Variants in LAMA1 observed in about 807,000 individuals in gnomAD.
The protein encoded by LAMA1 is laminin subunit alpha-1.
In LAMA1, 219 loss-of-function variants were observed where a neutral mutation model predicts 348.7. The ratio of observed to expected loss-of-function variants is 0.63; its 90% CI spans 0.56 to 0.70. The LOEUF (loss-of-function observed/expected upper bound fraction) is 0.70, where lower values mean the gene tolerates loss of function less well. Ranked by LOEUF, LAMA1 falls within the 30% of genes least tolerant of loss-of-function variation. LAMA1 has a pLI of 0.00. For synonymous variants in LAMA1, 1,487 were observed against 1,491.0 expected, an observed-to-expected ratio of 1.00 and a Z score of 0.06; for missense variants, 3,744 against 3,888.0, an observed-to-expected ratio of 0.96 and a Z score of 0.99.
chr18:6,993,617 CA>C, intron 35 of LAMA1, 23 bp downstream of exon 35: 4 of 1,500,658 alleles, frequency 2.7e-6, no homozygotes, highest in Non-Finnish European at 2.8e-6. Flanking sequence ...ACAGATACTT[CA>C]AACTAGACAC....
At chr18:7,048,448 C>T (rs986915155) in intron 5 of LAMA1, among the ~76,000 whole-genome samples, 2 of 152,104 alleles carry the variant, frequency 1.3e-5, no homozygotes, top group Non-Finnish European at 2.9e-5. Flanking sequence ...GTTGAGGTCT[C>T]ACTCTATTGC....
At chr18:7,036,133 A>C in intron 12 of LAMA1, 45 bp from the exon 13 acceptor site, 6 of 1,357,360 alleles carry the variant, frequency 4.4e-6, no homozygotes, top group Admixed American at 3.4e-5. Context: ...GAAGACAATC[A>C]CAGCAACAAT....
At chr18:7,062,773 A>G (rs1301588916) in intron 3 of LAMA1, among the ~76,000 whole-genome samples, 1 of 152,160 alleles carries the variant, frequency 6.6e-6, no homozygotes, top group African/African-American at 2.4e-5. Flanking sequence ...CCCAAAGCCC[A>G]CACTTCCCCG....
intron 1 of LAMA1, among the ~76,000 whole-genome samples, chr18:7,107,871 G>A (rs1354138506): frequency 7.9e-5 from 12 of 151,522 alleles, no homozygotes; most frequent in African/African-American, 2.2e-4. Context: ...AAAATTAGCC[G>A]GGCCTGGTGG....
intron 56 of LAMA1, 125 bp downstream of exon 56, chr18:6,956,511 C>A: frequency 1.2e-6 from 1 of 823,084 alleles, no homozygotes; most frequent in Non-Finnish European, 1.7e-6. Flanking sequence ...TAGCACAGCT[C>A]CAGCTCCAGC....
Position 7,033,038 on chromosome 18 carries a change from G to A in LAMA1, c.2109C>T (p.Ala703=), listed in dbSNP as rs621993. ...ASSNAIDLVV[A]ADVEHCECPQ... ...GACATTCACAGTGCTCCACATCAGC[G>A]GCCACCACCAGGTCGATGGCATTAG... The change falls in exon 15 of 63, where the codon GCC becomes GCT. Residue 703 remains alanine, a synonymous_variant. Coordinates refer to ENST00000389658, the MANE Select transcript of LAMA1 (RefSeq NM_005559.4). The A allele has an allele frequency of 0.4, 643,049 of 1,610,500 alleles. 133,458 individuals are homozygous for A. The highest frequency in any genetic ancestry group is 0.66 in the African/African-American group (49,065 of 74,816).
chr18:7,083,586 ATAATTAATTT>A (rs1482958114), intron 1 of LAMA1, among the ~76,000 whole-genome samples: 2 of 152,226 alleles, frequency 1.3e-5, no homozygotes, highest in Non-Finnish European at 2.9e-5. Context: ...AAACCTTCAA[ATAATTAATTT>A]CATAAAAATA....
At chr18:7,007,313 T>A in intron 28 of LAMA1, 37 bp from the exon 29 acceptor site, 2 of 1,601,410 alleles carry the variant, frequency 1.2e-6, no homozygotes, top group Non-Finnish European at 1.7e-6. Context: ...AAAAGTCTGA[T>A]TAATGAGTGA....
chr18:7,116,020 G>A (rs1394013252), intron 1 of LAMA1, among the ~76,000 whole-genome samples: 3 of 152,054 alleles, frequency 2.0e-5, no homozygotes, highest in African/African-American at 4.8e-5. Flanking sequence ...AAGGGTGAGG[G>A]TTGGTGGGGT....
At chr18:7,102,114 T>G (rs117797204) in intron 1 of LAMA1, among the ~76,000 whole-genome samples, 6,492 of 152,300 alleles carry the variant, frequency 0.043, 175 homozygotes, top group Non-Finnish European at 0.058. Flanking sequence ...CAAGGAAAGT[T>G]TGATTATATA....
At chr18:7,098,740 G>A (rs2058276123) in intron 1 of LAMA1, among the ~76,000 whole-genome samples, 2 of 143,646 alleles carry the variant, frequency 1.4e-5, no homozygotes, top group Admixed American at 7.0e-5. Flanking sequence ...CCCCCGCCCG[G>A]CCAGCCACCC....
At chr18:7,057,471 C>CTTTTTTTTTTTTTTTTTTTTTTTTT (rs552843703) in intron 3 of LAMA1, among the ~76,000 whole-genome samples, 1 of 90,806 alleles carries the variant, frequency 1.1e-5, no homozygotes, top group Non-Finnish European at 2.5e-5. Context: ...CTTTTCTTTT[C>CTTTTTTTTTTTTTTTTTTTTTTTTT]TTTTTTTTTT....
intron 3 of LAMA1, among the ~76,000 whole-genome samples, chr18:7,069,234 A>G (rs1453884378): frequency 6.6e-6 from 1 of 152,062 alleles, no homozygotes; most frequent in Non-Finnish European, 1.5e-5. Flanking sequence ...AGAAACAAAA[A>G]CTCCATCTTG....
In LAMA1 at chr18:6,983,118, G is replaced by A. The variant is rs1363156336; in HGVS notation, c.5777C>T (p.Thr1926Ile). ...SEELARDAHR[T>I]VTETSLLSES... ...TCCTACCAGGCTCGTCTCAGTCACA[G>A]TCCTGTGAGCATCTCTGGCCAGTTC... Residue 1926 changes from threonine (T) to isoleucine (I), a missense_variant, in exon 40 of 63, where the codon ACT becomes ATT. By Grantham distance (89) the Thr-to-Ile change is moderately conservative (BLOSUM62 -1). This residue lies in a region of LAMA1 where 1,983 missense variants were observed against 1,934.3 expected (regional missense o/e 1.03). Coordinates refer to ENST00000389658, the MANE Select transcript of LAMA1 (RefSeq NM_005559.4). The A allele has an allele frequency of 3.7e-6, 6 of 1,614,148 alleles. No homozygotes were observed. The highest frequency in any genetic ancestry group is 5.1e-6 in the Non-Finnish European group (6 of 1,180,028).
At chr18:7,031,831 T>C (rs2057970522) in intron 16 of LAMA1, among the ~76,000 whole-genome samples, 1 of 149,292 alleles carries the variant, frequency 6.7e-6, no homozygotes, top group Non-Finnish European at 1.5e-5. Flanking sequence ...AAAAGAACTA[T>C]AATGAAGTTG....
At chr18:7,084,362 C>G (rs182137658) in intron 1 of LAMA1, among the ~76,000 whole-genome samples, 156 of 152,164 alleles carry the variant, frequency 1.0e-3, no homozygotes, top group African/African-American at 3.5e-3. Context: ...TACCAAGAAG[C>G]TATGTTTGGT....
At chr18:7,075,663 C>A (rs768204168) in intron 3 of LAMA1, among the ~76,000 whole-genome samples, 23 of 151,872 alleles carry the variant, frequency 1.5e-4, no homozygotes, top group Non-Finnish European at 2.4e-4. Flanking sequence ...CTAGGCTGGG[C>A]GCGGTGGCTT....
chr18:7,050,575 T>G (rs2058058337), intron 4 of LAMA1, 119 bp downstream of exon 4: 3 of 1,455,552 alleles, frequency 2.1e-6, no homozygotes, highest in Middle Eastern at 2.4e-4. Flanking sequence ...CAAGGCCACT[T>G]TAAATAGAGC....
At chr18:7,063,558 C>T (rs2058110834) in intron 3 of LAMA1, among the ~76,000 whole-genome samples, 1 of 152,130 alleles carries the variant, frequency 6.6e-6, no homozygotes, top group Non-Finnish European at 1.5e-5. Flanking sequence ...CCAATGTTCA[C>T]AGCAGCATTA....
Sources: allele counts gnomAD v4.1 joint callset (sites outside exome capture counted in the v4.1 genomes callset), GRCh38; gene constraint gnomAD v4.1.1; regional missense constraint gnomAD v4.1.1; transcripts MANE v1.5; gene names NCBI Gene and HGNC (gene_info 2026-07-23, HGNC 2026-07-21).